The following ESRRB variants were observed in gnomAD, a reference collection of about 807,000 sequenced individuals.
The protein encoded by ESRRB is estrogen related receptor beta.
Under a neutral mutation model 46.0 loss-of-function variants are expected in ESRRB, and 16 were observed. The observed-to-expected ratio is 0.35, with a 90% CI of 0.24 to 0.53. The LOEUF is 0.53. ESRRB is among the 20% of genes least tolerant of loss of function. The pLI is 0.93. For synonymous variants in ESRRB, 246 were observed against 259.6 expected (o/e 0.95, Z 0.50); for missense variants, 488 against 607.4 (o/e 0.80, Z 2.07).
At chr14:76,338,260 G>A (rs565029794) in intron 1 of ESRRB, among the ~76,000 whole-genome samples, 7 of 152,290 alleles carry the variant, frequency 4.6e-5, no homozygotes, top group African/African-American at 1.4e-4. Flanking sequence ...ATTCCATCAA[G>A]CCCTGGCCCT....
chr14:76,420,261 GCCCC>G (rs1027943403), intron 1 of ESRRB, among the ~76,000 whole-genome samples: 2 of 151,808 alleles, frequency 1.3e-5, no homozygotes, highest in African/African-American at 4.8e-5. Flanking sequence ...GTATCTTCAG[GCCCC>G]CCCAGCAGAT....
At chr14:76,355,652 C>T (rs1884370558) in intron 1 of ESRRB, among the ~76,000 whole-genome samples, 1 of 152,176 alleles carries the variant, frequency 6.6e-6, no homozygotes, top group African/African-American at 2.4e-5. Flanking sequence ...GTAATAAATG[C>T]TCAAGGGTGG....
In ESRRB at chr14:76,499,937, A is replaced by G. The variant is rs1364491006; in HGVS notation, c.*1479A>G. ...GCCATGATGGAAAATGCCCCTTCCA[A>G]TCAGCTGCCTTCACAAGCAGGGATC... On this transcript the variant is annotated 3_prime_UTR_variant, in exon 7 of 7. Transcript: ENST00000644823. The G allele has an allele frequency of 2.5e-6, 4 of 1,613,786 alleles. No homozygotes were observed. The highest frequency in any genetic ancestry group is 3.4e-6 in the Non-Finnish European group (4 of 1,179,932).
intron 5 of ESRRB, among the ~76,000 whole-genome samples, chr14:76,487,707 G>A (rs1890073576): frequency 1.3e-5 from 2 of 152,000 alleles, no homozygotes; most frequent in Admixed American, 6.6e-5. Flanking sequence ...GGGTTCAAGC[G>A]ATCCTCCTGC....
At chr14:76,457,281 G>A (rs1168297737) in intron 2 of ESRRB, among the ~76,000 whole-genome samples, 2 of 152,022 alleles carry the variant, frequency 1.3e-5, no homozygotes, top group Non-Finnish European at 2.9e-5. Context: ...AGACCTTAAT[G>A]TTCTCAAATA....
intron 1 of ESRRB, among the ~76,000 whole-genome samples, chr14:76,402,628 G>A (rs73316379): frequency 0.063 from 9,644 of 152,254 alleles, 678 homozygotes; most frequent in African/African-American, 0.17. Context: ...AGGCTTCCAG[G>A]CACTGTCATG....
chr14:76,376,470 G>A lies in ESRRB; in HGVS notation c.50+19G>A. ...ACAACCAGTAGGTGCCCTGCTTCTC[G>A]GTCTGTCTGTCCTTCTGCCCGTCTG... On this transcript the variant is annotated intron_variant, in intron 1 of 6. Coordinates refer to ENST00000644823, the MANE Select transcript of ESRRB (RefSeq NM_001379180.1). The surrounding 1 kb of genome is among the most constrained non-coding windows in gnomAD (Gnocchi z 4.1). The A allele has an allele frequency of 1.6e-6, 2 of 1,231,096 alleles. No individual in the cohort carries two copies. Among genetic ancestry groups the A allele is most frequent in the Non-Finnish European group, 2.0e-6 (2 of 987,432 alleles). The allele number at this position is 1,231,096 out of a possible 1,614,324, so 76.3% of individuals were successfully genotyped here.
intron 1 of ESRRB, among the ~76,000 whole-genome samples, chr14:76,425,100 G>A (rs961848964): frequency 3.3e-5 from 5 of 152,106 alleles, no homozygotes; most frequent in Non-Finnish European, 5.9e-5. Flanking sequence ...ATTCTCAGAA[G>A]TGCAGGGGAT....
upstream of ESRRB, among the ~76,000 whole-genome samples, chr14:76,369,612 TG>T (rs1419109260): frequency 1.3e-5 from 2 of 152,086 alleles, no homozygotes; most frequent in Middle Eastern, 3.2e-3. Context: ...AAGCATTTGC[TG>T]GTTTTTTTTC....
upstream of ESRRB, among the ~76,000 whole-genome samples, chr14:76,371,122 C>T (rs1293898094): frequency 6.6e-6 from 1 of 152,158 alleles, no homozygotes; most frequent in Non-Finnish European, 1.5e-5. Flanking sequence ...GCCTTCTTGC[C>T]CCAGTAATGG....
At chr14:76,425,006 C>G (rs1404615100) in intron 1 of ESRRB, among the ~76,000 whole-genome samples, 1 of 152,186 alleles carries the variant, frequency 6.6e-6, no homozygotes, top group Non-Finnish European at 1.5e-5. Flanking sequence ...CTGAGGCTCA[C>G]ACCTGTAAAT....
upstream of ESRRB, among the ~76,000 whole-genome samples, chr14:76,368,674 G>A (rs1294828097): frequency 6.6e-6 from 1 of 152,148 alleles, no homozygotes; most frequent in Non-Finnish European, 1.5e-5. Context: ...ACCCTCCCAA[G>A]TCAGGAATTC....
intron 1 of ESRRB, among the ~76,000 whole-genome samples, chr14:76,425,427 C>T (rs1270731639): frequency 1.3e-5 from 2 of 152,086 alleles, no homozygotes; most frequent in East Asian, 1.9e-4. Context: ...ACTCAAGCAT[C>T]GAATGGGGGT....
At chr14:76,491,738 G>A (rs987153738) in intron 6 of ESRRB, 22 bp downstream of exon 6, 5 of 1,558,862 alleles carry the variant, frequency 3.2e-6, no homozygotes, top group East Asian at 2.3e-5. Flanking sequence ...GGCGGGGCCT[G>A]GAAGGGGAGC....
intron 1 of ESRRB, among the ~76,000 whole-genome samples, chr14:76,427,978 G>A (rs1887274756): frequency 1.3e-5 from 2 of 152,186 alleles, no homozygotes; most frequent in African/African-American, 2.4e-5. Flanking sequence ...AGGCTACTGA[G>A]TGTGTTCAAT....
At chr14:76,424,405 C>A (rs1024996650) in intron 1 of ESRRB, among the ~76,000 whole-genome samples, 1 of 152,194 alleles carries the variant, frequency 6.6e-6, no homozygotes, top group African/African-American at 2.4e-5. Context: ...GGCTGATCCC[C>A]TTTCTTGGAC....
At chr14:76,453,597 CTTTTTTT>C (rs796736002) in intron 2 of ESRRB, among the ~76,000 whole-genome samples, 5 of 134,326 alleles carry the variant, frequency 3.7e-5, no homozygotes, top group African/African-American at 5.7e-5. Context: ...AAAAAAAGCT[CTTTTTTT>C]TTTTTTTTTT....
intron 5 of ESRRB, among the ~76,000 whole-genome samples, chr14:76,487,040 A>G (rs1389123707): frequency 6.6e-6 from 1 of 152,148 alleles, no homozygotes; most frequent in African/African-American, 2.4e-5. Context: ...CAAATTCCCC[A>G]TCCTAACCTT....
chr14:76,464,261 A>G (rs1889011655), intron 3 of ESRRB, among the ~76,000 whole-genome samples: 1 of 152,180 alleles, frequency 6.6e-6, no homozygotes, highest in Non-Finnish European at 1.5e-5. Context: ...GAAGGCTAGG[A>G]GTGGGCTTCT....
Sources: allele counts gnomAD v4.1 joint callset (sites outside exome capture counted in the v4.1 genomes callset), GRCh38; gene constraint gnomAD v4.1.1; non-coding constraint Gnocchi (gnomAD v3.1); transcripts MANE v1.5; gene names NCBI Gene and HGNC (gene_info 2026-07-23, HGNC 2026-07-21).